Variants in CD2AP observed in about 807,000 individuals in gnomAD.
CD2AP encodes CD2 associated protein.
CD2AP carries 46 observed loss-of-function variants against 85.1 expected under a neutral mutation model. The ratio of observed to expected loss-of-function variants is 0.54; its 90% CI spans 0.43 to 0.69. The LOEUF (loss-of-function observed/expected upper bound fraction) is 0.69. Among genes scored for constraint, CD2AP ranks in the 30% least tolerant of loss-of-function variants. The pLI is 0.00. For missense variants in CD2AP, 769 were observed against 729.5 expected (o/e 1.05, Z -0.62); for synonymous variants, 255 against 252.9 (o/e 1.01, Z -0.08).
At chr6:47,598,335 A>G (rs1449158212) in intron 12 of CD2AP, among the ~76,000 whole-genome samples, 1 of 151,188 alleles carries the variant, frequency 6.6e-6, no homozygotes, top group Non-Finnish European at 1.5e-5. Context: ...TATGGAAAGC[A>G]GTGTGGAGAT....
At chr6:47,519,612 G>A (rs151267303) in intron 2 of CD2AP, among the ~76,000 whole-genome samples, 3 of 152,270 alleles carry the variant, frequency 2.0e-5, no homozygotes, top group Non-Finnish European at 4.4e-5. Flanking sequence ...TTGTTTGGTA[G>A]CAATTAGATT....
At chr6:47,522,840 A>T (rs9395271) in intron 2 of CD2AP, among the ~76,000 whole-genome samples, 47,251 of 151,494 alleles carry the variant, frequency 0.31, 8,500 homozygotes, top group Middle Eastern at 0.52. Flanking sequence ...TTATATTTAC[A>T]TTAAATCTTT....
intron 5 of CD2AP, among the ~76,000 whole-genome samples, chr6:47,560,655 A>C (rs1486061519): frequency 1.3e-5 from 2 of 152,134 alleles, no homozygotes; most frequent in East Asian, 3.8e-4. Context: ...TAATATTTGG[A>C]GGCACATGGT....
At chr6:47,563,360 A>G (rs1056566592) in intron 5 of CD2AP, among the ~76,000 whole-genome samples, 2 of 152,220 alleles carry the variant, frequency 1.3e-5, no homozygotes, top group African/African-American at 2.4e-5. Flanking sequence ...CATTTTGCTT[A>G]ATATGCAAAT....
intron 1 of CD2AP, among the ~76,000 whole-genome samples, chr6:47,492,747 T>C (rs1235757106): frequency 6.6e-6 from 1 of 152,212 alleles, no homozygotes; most frequent in East Asian, 1.9e-4. Flanking sequence ...TTTTTCCCCT[T>C]GGTCATTCTT....
At chr6:47,560,236 A>C (rs540433615) in intron 5 of CD2AP, among the ~76,000 whole-genome samples, 3 of 152,164 alleles carry the variant, frequency 2.0e-5, no homozygotes, top group African/African-American at 7.2e-5. Context: ...TTTTATCTTT[A>C]TTCTTTAGTA....
At chr6:47,611,474 C>T (rs977887014) in intron 16 of CD2AP, among the ~76,000 whole-genome samples, 20 of 151,544 alleles carry the variant, frequency 1.3e-4, no homozygotes, top group Admixed American at 2.0e-4. Flanking sequence ...CAGAGGTTTT[C>T]GCTTTACTCT....
At chr6:47,539,013 C>A (rs887001440) in intron 3 of CD2AP, among the ~76,000 whole-genome samples, 1 of 152,018 alleles carries the variant, frequency 6.6e-6, no homozygotes, top group African/African-American at 2.4e-5. Context: ...GCCTTTGTAT[C>A]TGTGAGTAGT....
At chr6:47,521,157 A>G (rs1164104075) in intron 2 of CD2AP, among the ~76,000 whole-genome samples, 3 of 152,192 alleles carry the variant, frequency 2.0e-5, no homozygotes, top group Non-Finnish European at 4.4e-5. Flanking sequence ...CTAGATGGTG[A>G]TGCTTGTAAT....
At position 47,624,701 on chromosome 6, in the gene CD2AP, GTGTGTGTGTGTGTGTGTGTGTATA is replaced by G. The variant is rs1561838507; in HGVS notation, c.*476_*499del. 2.9e-5 allele frequency: 4 copies of G among 136,624 alleles called. No individual in the cohort carries two copies. Among genetic ancestry groups the G allele is most frequent in the African/African-American group, 1.1e-4 (4 of 37,028 alleles). The allele number at this position is 136,624 out of a possible 1,614,324, so 8.5% of individuals were successfully genotyped here. On this transcript the variant is annotated 3_prime_UTR_variant, in exon 18 of 18. Transcript: ENST00000359314. ...ACTCTGTGTGTGTGTGTGTGTGTGT[GTGTGTGTGTGTGTGTGTGTGTATA>G]TATATATATATATTTTTACTTTTAT...
chr6:47,557,398 C>T (rs1719137873), intron 5 of CD2AP, among the ~76,000 whole-genome samples: 1 of 152,088 alleles, frequency 6.6e-6, no homozygotes, highest in Non-Finnish European at 1.5e-5. Context: ...GAAGTCTTTG[C>T]CCATGCCTAT....
At chr6:47,502,779 A>G (rs1254961089) in intron 1 of CD2AP, among the ~76,000 whole-genome samples, 2 of 151,892 alleles carry the variant, frequency 1.3e-5, no homozygotes, top group African/African-American at 4.8e-5. Flanking sequence ...GATGTGAGCT[A>G]TTGCACCTGG....
rs1338100926 is a variant in CD2AP at position 47,533,627 on chromosome 6, A to G, written c.191A>G (p.Lys64Arg). The G allele has an allele frequency of 1.9e-6, 3 of 1,613,912 alleles. No individual in the cohort carries two copies. Among genetic ancestry groups the G allele is most frequent in the African/African-American group, 1.3e-5 (1 of 74,944 alleles). The change falls in exon 3 of 18, where the codon AAG becomes AGG. Residue 64 changes from lysine to arginine, a missense_variant. Lys to Arg is a conservative substitution (Grantham distance 26). Transcript: ENST00000359314. ...VKEIKRETEF[K>R]DDSLPIKRER... ...GAAATTAAAAGAGAGACGGAATTCAAGGATGACAGTTTGCCCATCAAACGG... is the reference window on the plus strand; with the variant it reads ...GAAATTAAAAGAGAGACGGAATTCAGGGATGACAGTTTGCCCATCAAACGG...
intron 11 of CD2AP, among the ~76,000 whole-genome samples, chr6:47,588,757 T>C (rs1041398543): frequency 1.9e-4 from 29 of 152,222 alleles, no homozygotes; most frequent in African/African-American, 7.0e-4. Flanking sequence ...TGTCTCCTCT[T>C]GTGATCACAA....
At chr6:47,543,685 A>G (rs994778866) in intron 3 of CD2AP, among the ~76,000 whole-genome samples, 6 of 152,192 alleles carry the variant, frequency 3.9e-5, no homozygotes, top group African/African-American at 9.7e-5. Flanking sequence ...TACTAGTCCT[A>G]TCTCATTAGG....
At chr6:47,531,348 A>C (rs1278209373) in intron 2 of CD2AP, among the ~76,000 whole-genome samples, 1 of 152,062 alleles carries the variant, frequency 6.6e-6, no homozygotes, top group East Asian at 2.0e-4. Context: ...AAAAAATAAT[A>C]CACAGAAACT....
intron 2 of CD2AP, among the ~76,000 whole-genome samples, chr6:47,531,392 T>A (rs534159210): frequency 8.5e-5 from 13 of 152,074 alleles, no homozygotes; most frequent in African/African-American, 3.1e-4. Context: ...ATCAGAATTA[T>A]TACTAATGAA....
intron 16 of CD2AP, among the ~76,000 whole-genome samples, chr6:47,610,149 C>A (rs1385642589): frequency 6.6e-6 from 1 of 152,094 alleles, no homozygotes; most frequent in African/African-American, 2.4e-5. Context: ...AGGTGAGCTC[C>A]CCCTCTGGCT....
chr6:47,554,690 A>G lies in CD2AP; in HGVS notation c.465A>G (p.Gly155=). The G allele has an allele frequency of 1.9e-6, 3 of 1,613,582 alleles. No homozygotes were observed. The South Asian group carries it at 3.3e-5, about 18-fold the overall frequency. The change falls in exon 5 of 18, where the codon GGA becomes GGG. Residue 155 remains glycine (G), a synonymous_variant. Coordinates refer to ENST00000359314, the MANE Select transcript of CD2AP (RefSeq NM_012120.3). The part of the protein sequence containing the change: ...WWSGTLNNKL[G]LFPSNFVKEL... ...GTGGAACCCTGAATAACAAGTTGGG[A>G]CTGTTTCCCTCAAATTTTGTGAAAG...
Sources: allele counts gnomAD v4.1 joint callset (sites outside exome capture counted in the v4.1 genomes callset), GRCh38; gene constraint gnomAD v4.1.1; transcripts MANE v1.5; gene names NCBI Gene and HGNC (gene_info 2026-07-23, HGNC 2026-07-21).